The following TVP23C variants were observed in gnomAD, a reference collection of about 807,000 sequenced individuals.
TVP23C encodes trans-golgi network vesicle protein 23 homolog C, also known as Golgi apparatus membrane protein TVP23 homolog C.
Under a neutral mutation model 28.7 loss-of-function variants are expected in TVP23C, and 19 were observed. The observed-to-expected ratio is 0.66, with a 90% CI of 0.46 to 0.97. The LOEUF is 0.97. Ranked by LOEUF, TVP23C falls within the 50% of genes least tolerant of loss-of-function variation. The probability of loss-of-function intolerance (pLI) is 0.00; values close to 1 mark genes in which losing one functional copy is unlikely to be tolerated. For missense variants in TVP23C, 186 were observed against 241.3 expected (o/e 0.77, Z 1.52); for synonymous variants, 68 against 81.7 (o/e 0.83, Z 0.90).
chr17:15,553,328 T>C (rs375343896), intron 3 of TVP23C, among the ~76,000 whole-genome samples: 7,073 of 151,382 alleles, frequency 0.047, 91 homozygotes, highest in Non-Finnish European at 0.068. Flanking sequence ...AGAAATTATA[T>C]ACAACACACC....
chr17:15,514,759 C>T (rs1402906404), intron 5 of TVP23C, among the ~76,000 whole-genome samples: 1 of 152,154 alleles, frequency 6.6e-6, no homozygotes, highest in Non-Finnish European at 1.5e-5. Flanking sequence ...CTACTCAGCA[C>T]TTGAGACCTC....
At chr17:15,524,355 G>A (rs1395737435) in intron 5 of TVP23C, among the ~76,000 whole-genome samples, 1 of 152,096 alleles carries the variant, frequency 6.6e-6, no homozygotes, top group Non-Finnish European at 1.5e-5. Flanking sequence ...TTGAGCATCT[G>A]TCACAGATCC....
In TVP23C at chr17:15,538,627, A is replaced by C. The variant is rs1983266533; in HGVS notation, c.*1785T>G. 7.1e-6 allele frequency: 7 copies of C among 985,300 alleles called. No homozygotes were observed. Among genetic ancestry groups the C allele is most frequent in the Non-Finnish European group, 8.4e-6 (7 of 829,858 alleles). 61.0% of individuals were successfully genotyped at this position (985,300 alleles called of 1,614,324 possible). A position where few individuals can be genotyped will look rare whatever the true frequency, so the allele number is the denominator to read the frequency against. On this transcript the variant is annotated 3_prime_UTR_variant, in exon 6 of 6. Transcript: ENST00000518321. ...ATAAATAAAAAAGTAGACATGCGCT[A>C]ATGAAGTAAATCCATGGATACCATC...
chr17:15,549,812 G>T (rs1315065151), intron 3 of TVP23C, among the ~76,000 whole-genome samples: 3 of 152,024 alleles, frequency 2.0e-5, no homozygotes, highest in African/African-American at 7.3e-5. Flanking sequence ...ACAGCTTACA[G>T]ATCAGCAATT....
rs8064896 is a variant in TVP23C, at chr17:15,537,853, A to G, written c.*2559T>C. ...TTAACTTGGGATATACAGGTATTAC[A>G]TGGCCGTGTGCATACCTATGGAATG... On this transcript the variant is annotated 3_prime_UTR_variant, in exon 6 of 6. Coordinates refer to ENST00000518321, the MANE Select transcript of TVP23C (RefSeq NM_001135036.2). 5,591 of 1,286,754 alleles carry G rather than the reference A, an allele frequency of 4.3e-3. 204 individuals are homozygous for G. The African/African-American group carries it at 0.074, about 17-fold the overall frequency. The allele number at this position is 1,286,754 out of a possible 1,614,324, so 79.7% of individuals were successfully genotyped here.
At chr17:15,523,366 A>G (rs1982568272) in intron 5 of TVP23C, among the ~76,000 whole-genome samples, 1 of 150,358 alleles carries the variant, frequency 6.7e-6, no homozygotes, top group South Asian at 2.1e-4. Context: ...GCTGGAGTGC[A>G]GTGGCACGAT....
At chr17:15,548,692 C>T (rs188878424) in intron 3 of TVP23C, among the ~76,000 whole-genome samples, 3 of 152,270 alleles carry the variant, frequency 2.0e-5, no homozygotes, top group Admixed American at 2.0e-4. Context: ...TAGATCTTAC[C>T]ATTAATAAAT....
chr17:15,517,577 G>A (rs527700169), intron 5 of TVP23C, among the ~76,000 whole-genome samples: 27 of 152,302 alleles, frequency 1.8e-4, no homozygotes, highest in Admixed American at 7.8e-4. Flanking sequence ...AATATATGTA[G>A]AGGGCTTGGA....
chr17:15,548,316 G>A (rs961871651), intron 3 of TVP23C, among the ~76,000 whole-genome samples: 10 of 152,098 alleles, frequency 6.6e-5, no homozygotes, highest in African/African-American at 1.9e-4. Context: ...ACAGGCATGC[G>A]CCATCATGCC....
downstream of TVP23C, among the ~76,000 whole-genome samples, chr17:15,535,632 G>C (rs1266721862): frequency 2.0e-5 from 3 of 152,182 alleles, no homozygotes; most frequent in African/African-American, 4.8e-5. Context: ...AACAGCATCT[G>C]AACAGTGCAA....
At chr17:15,503,079 T>C in exon 6 of TVP23C, 1 of 1,614,048 alleles carries the variant, frequency 6.2e-7, no homozygotes, top group Non-Finnish European at 8.5e-7. Context: ...GTGATCCTCG[T>C]GAAAGAATTA....
intron 5 of TVP23C, among the ~76,000 whole-genome samples, chr17:15,504,952 T>A (rs187947563): frequency 7.2e-4 from 109 of 152,254 alleles, no homozygotes; most frequent in Non-Finnish European, 1.2e-3. Flanking sequence ...TCCATTGATC[T>A]TCTTCTGGAA....
chr17:15,504,209 G>C (rs1441760216), intron 5 of TVP23C, among the ~76,000 whole-genome samples: 2 of 152,270 alleles, frequency 1.3e-5, no homozygotes, highest in South Asian at 2.1e-4. Flanking sequence ...TCTGGTACTG[G>C]GCTTTATATT....
At chr17:15,506,252 A>T (rs1369215251) in intron 5 of TVP23C, among the ~76,000 whole-genome samples, 1 of 150,954 alleles carries the variant, frequency 6.6e-6, no homozygotes, top group East Asian at 1.9e-4. Flanking sequence ...GAGTGCACCA[A>T]TCGACACTCT....
intron 5 of TVP23C, among the ~76,000 whole-genome samples, chr17:15,507,614 G>A (rs1346881860): frequency 2.6e-5 from 4 of 152,140 alleles, no homozygotes; most frequent in South Asian, 2.1e-4. Context: ...CGACGCAGGC[G>A]GATCACGAGG....
intron 5 of TVP23C, among the ~76,000 whole-genome samples, chr17:15,508,658 T>C (rs1365919400): frequency 6.6e-6 from 1 of 152,208 alleles, no homozygotes; most frequent in African/African-American, 2.4e-5. Flanking sequence ...CGCATTTACA[T>C]TGTGCAGTAC....
chr17:15,518,429 T>C (rs1444435078), intron 5 of TVP23C, among the ~76,000 whole-genome samples: 1 of 152,164 alleles, frequency 6.6e-6, no homozygotes, highest in Non-Finnish European at 1.5e-5. Flanking sequence ...ATGTCCCCCT[T>C]GGCACTCAGC....
chr17:15,516,499 G>T (rs1474610317), intron 5 of TVP23C: 1 of 151,104 alleles, frequency 6.6e-6, no homozygotes, highest in African/African-American at 2.4e-5. Context: ...GCTTGTGGAC[G>T]GCATCTTCCC....
chr17:15,540,204 A>C lies in TVP23C; in HGVS notation c.*208T>G, dbSNP rs1597531458. On this transcript the variant is annotated 3_prime_UTR_variant, in exon 6 of 6. Coordinates refer to ENST00000518321, the MANE Select transcript of TVP23C (RefSeq NM_001135036.2). ...AAAAGTAATTTTTAAAAAATAAGTT[A>C]TTATCAATGATAGTTTATCCTTCCT... 8.0e-7 allele frequency: 1 copy of C among 1,257,758 alleles called. No individual in the cohort carries two copies. The highest frequency in any genetic ancestry group is 3.2e-5 in the East Asian group (1 of 30,802). The allele number at this position is 1,257,758 out of a possible 1,614,324, so 77.9% of individuals were successfully genotyped here. A position where few individuals can be genotyped will look rare whatever the true frequency, so the allele number is the denominator to read the frequency against.
Sources: gnomAD v4.1 joint callset for allele counts (sites outside exome capture counted in the v4.1 genomes callset) on GRCh38, gnomAD v4.1.1 for gene constraint, MANE v1.5 for transcripts, NCBI Gene and HGNC (gene_info 2026-07-23, HGNC 2026-07-21) for gene names.